MYO7A: variants seen among roughly 807,000 people sequenced by gnomAD.
The protein encoded by MYO7A is myosin VIIA.
MYO7A carries 210 observed loss-of-function variants against 263.8 expected under a neutral mutation model. The ratio of observed to expected loss-of-function variants is 0.80; its 90% CI spans 0.71 to 0.89. MYO7A has a LOEUF of 0.89. Among genes scored for constraint, MYO7A ranks in the 40% least tolerant of loss-of-function variants. The pLI is 0.00. For synonymous variants in MYO7A, 1,239 were observed against 1,197.3 expected, an observed-to-expected ratio of 1.03 and a Z score of -0.72; for missense variants, 2,820 against 2,968.3, an observed-to-expected ratio of 0.95 and a Z score of 1.16.
At position 77,205,615 on chromosome 11, in the gene MYO7A, G is replaced by A; in HGVS notation, c.5634G>A (p.Leu1878=). 1 of 1,613,374 alleles carries A rather than the reference G, an allele frequency of 6.2e-7. No homozygotes were observed. The highest frequency in any genetic ancestry group is 1.1e-5 in the South Asian group (1 of 90,996). The part of the protein sequence containing the change: ...IDCLQRLQKA[L]RNGSRKYPPH... ...GCCTGCAACGGCTCCAGAAAGCCCTGAGGTACAGCGGCCACCAGGGGCAGG... is the reference window on the plus strand; with the variant it reads ...GCCTGCAACGGCTCCAGAAAGCCCTAAGGTACAGCGGCCACCAGGGGCAGG... The change falls in exon 40 of 49, where the codon CTG becomes CTA. Residue 1878 remains leucine (L), a splice_region_variant and synonymous_variant. Transcript: ENST00000409709.
rs782226912 is a variant in MYO7A at position 77,181,942 on chromosome 11, C to T, written c.2905-9C>T. ...TGGGACTCCAGGGCATACCTCTTGT[C>T]TCCTTCAGGACCTGGAGCGAGGGCG... On this transcript the variant is annotated splice_polypyrimidine_tract_variant and intron_variant, in intron 23 of 48. Coordinates refer to ENST00000409709, the MANE Select transcript of MYO7A (RefSeq NM_000260.4). The T allele has an allele frequency of 6.2e-7, 1 of 1,612,732 alleles. No individual in the cohort carries two copies. Among genetic ancestry groups the T allele is most frequent in the South Asian group, 1.1e-5 (1 of 91,036 alleles).
At chr11:77,192,010 C>A in intron 30 of MYO7A, 41 bp from the exon 31 acceptor site, 1 of 1,568,564 alleles carries the variant, frequency 6.4e-7, no homozygotes, top group Non-Finnish European at 8.7e-7. Flanking sequence ...CATAGTCCTT[C>A]CCTGACTCTG....
chr11:77,207,627 C>T (rs1354722435), intron 42 of MYO7A, among the ~76,000 whole-genome samples: 1 of 152,188 alleles, frequency 6.6e-6, no homozygotes, highest in Non-Finnish European at 1.5e-5. Flanking sequence ...GGGGCATGTG[C>T]CCAGGTGCTC....
intron 46 of MYO7A, 86 bp from the exon 47 acceptor site, chr11:77,212,866 C>G: frequency 8.9e-7 from 1 of 1,119,324 alleles, no homozygotes; most frequent in Middle Eastern, 2.0e-4. Context: ...TGACTTTATC[C>G]CAGCTGGGGC....
intron 3 of MYO7A, among the ~76,000 whole-genome samples, chr11:77,146,168 G>C (rs575295152): frequency 1.3e-5 from 2 of 152,342 alleles, no homozygotes; most frequent in African/African-American, 4.8e-5. Flanking sequence ...AAGGTAGAGG[G>C]AACAGTGGAG....
intron 1 of MYO7A, among the ~76,000 whole-genome samples, chr11:77,130,069 CA>C (rs1419527051): frequency 1.3e-5 from 2 of 152,256 alleles, no homozygotes; most frequent in Admixed American, 6.5e-5. Flanking sequence ...CAGTGCTCTG[CA>C]CAGAGCCATC....
intron 30 of MYO7A, among the ~76,000 whole-genome samples, chr11:77,191,493 G>A (rs1163556573): frequency 6.6e-6 from 1 of 152,208 alleles, no homozygotes; most frequent in Non-Finnish European, 1.5e-5. Flanking sequence ...GTGCAGATGG[G>A]AATGGAATTC....
At chr11:77,212,559 CA>C (rs1440070795) in intron 46 of MYO7A, 1 of 344,004 alleles carries the variant, frequency 2.9e-6, no homozygotes, top group East Asian at 7.3e-5. Context: ...ACAACAGAGG[CA>C]GGAGTATGGT....
At chr11:77,210,990 C>T (rs966557485) in intron 44 of MYO7A, 162 bp from the exon 45 acceptor site, 8 of 658,050 alleles carry the variant, frequency 1.2e-5, no homozygotes, top group Non-Finnish European at 2.1e-5. Context: ...TGTCCTGTGC[C>T]GTATCCCCTG....
intron 27 of MYO7A, among the ~76,000 whole-genome samples, chr11:77,185,619 C>T (rs988422442): frequency 6.6e-6 from 1 of 152,146 alleles, no homozygotes; most frequent in Non-Finnish European, 1.5e-5. Flanking sequence ...GTCTTGAGCC[C>T]CTCAGTCATT....
chr11:77,182,643 A>T, intron 25 of MYO7A, 43 bp downstream of exon 25: 1 of 1,603,192 alleles, frequency 6.2e-7, no homozygotes, highest in East Asian at 2.2e-5. Flanking sequence ...TCCCAGGCCG[A>T]CAAGGAGGGC....
intron 2 of MYO7A, among the ~76,000 whole-genome samples, chr11:77,133,488 T>G (rs1950825217): frequency 6.6e-6 from 1 of 152,266 alleles, no homozygotes; most frequent in Admixed American, 6.5e-5. Context: ...TTTCTTGTAA[T>G]GATTTTGACT....
intron 19 of MYO7A, 79 bp from the exon 20 acceptor site, chr11:77,178,966 G>T: frequency 8.9e-7 from 1 of 1,129,116 alleles, no homozygotes; most frequent in Middle Eastern, 1.9e-4. Context: ...GGGACTCAGC[G>T]TGCCCTCCTG....
chr11:77,211,065 C>G (rs1483509070), intron 44 of MYO7A, 87 bp from the exon 45 acceptor site: 1 of 1,290,146 alleles, frequency 7.8e-7, no homozygotes, highest in Non-Finnish European at 1.1e-6. Flanking sequence ...GGTGGTAGAC[C>G]CCGGCGTTGG....
Position 77,160,231 on chromosome 11 carries a change from C to T in MYO7A, c.1149C>T (p.Ser383=), listed in dbSNP as rs1952865274. The T allele has an allele frequency of 1.3e-6, 2 of 1,581,112 alleles. No homozygotes were observed. The highest frequency in any genetic ancestry group is 1.7e-6 in the Non-Finnish European group (2 of 1,164,256). The change falls in exon 11 of 49, where the codon TCC becomes TCT. Residue 383 remains serine (S), a synonymous_variant. Coordinates refer to ENST00000409709, the MANE Select transcript of MYO7A (RefSeq NM_000260.4). ...RTLITRGETV[S]TPLSREQALD... ...TCATCACCCGCGGGGAGACGGTGTC[C>T]ACCCCACTGAGCAGGGAACAGGCAC...
intron 10 of MYO7A, among the ~76,000 whole-genome samples, chr11:77,159,908 G>A (rs1952830108): frequency 6.6e-6 from 1 of 152,252 alleles, no homozygotes; most frequent in Admixed American, 6.5e-5. Context: ...GCCAGAGTCA[G>A]GGCTGGTCCT....
Position 77,138,682 on chromosome 11 carries a change from A to G in MYO7A, c.19-4027A>G, listed in dbSNP as rs1951023784. Among the ~76,000 whole-genome samples the G allele has an allele frequency of 6.6e-6, 1 of 152,154 alleles. No homozygotes were observed. The highest frequency in any genetic ancestry group is 2.4e-5 in the African/African-American group (1 of 41,436). ...CCAGGTCTGGGCGGGGGTGTCCTGC[A>G]TTTGCTGAGATCCAGAGCAGGGAGC... On this transcript the variant is annotated intron_variant, in intron 2 of 48. Transcript: ENST00000409709. This position sits in a 1 kb window ranked among gnomAD's most constrained non-coding sequence, Gnocchi z 4.9.
rs771059248 is a variant in MYO7A at position 77,199,738 on chromosome 11, G to A, written c.4772G>A (p.Arg1591His). ...ACCTCCAGCAATGCTGAGGACATTC[G>A]TGACCTGGTGGTCACCTTCCTAGAG... The part of the protein sequence containing the change: ...TFTSSNAEDI[R>H]DLVVTFLEGL... The change falls in exon 35 of 49, where the codon CGT becomes CAT. Residue 1591 changes from arginine (R) to histidine (H), a missense_variant. Transcript: ENST00000409709. 78 of 1,613,320 alleles carry A rather than the reference G, an allele frequency of 4.8e-5. No individual in the cohort carries two copies. The highest frequency in any genetic ancestry group is 5.9e-5 in the Non-Finnish European group (70 of 1,179,676).
chr11:77,189,811 G>A (rs1026553577), intron 28 of MYO7A, among the ~76,000 whole-genome samples: 4 of 152,228 alleles, frequency 2.6e-5, no homozygotes, highest in African/African-American at 9.6e-5. Context: ...GAAGGGGTAT[G>A]GGGAGGAGCC....
Sources: gnomAD v4.1 joint callset for allele counts (sites outside exome capture counted in the v4.1 genomes callset) on GRCh38, gnomAD v4.1.1 for gene constraint, Gnocchi (gnomAD v3.1) non-coding constraint, MANE v1.5 for transcripts, NCBI Gene and HGNC (gene_info 2026-07-23, HGNC 2026-07-21) for gene names.